LGR6: variants seen among roughly 807,000 people sequenced by gnomAD.
LGR6 encodes the protein leucine-rich repeat-containing G protein-coupled receptor 6.
Under a neutral mutation model 69.4 loss-of-function variants are expected in LGR6, and 45 were observed. The observed-to-expected ratio is 0.65, with a 90% CI of 0.51 to 0.83. The LOEUF (loss-of-function observed/expected upper bound fraction) is 0.83. Ranked by LOEUF, LGR6 falls within the 40% of genes least tolerant of loss-of-function variation. The pLI, the probability that LGR6 is intolerant of heterozygous loss-of-function variation, is 0.00. For missense variants in LGR6, 1,108 were observed against 1,246.7 expected, an observed-to-expected ratio of 0.89 and a Z score of 1.68; for synonymous variants, 538 against 555.0, an observed-to-expected ratio of 0.97 and a Z score of 0.43.
At chr1:202,260,088 G>T (rs904815827) in intron 4 of LGR6, among the ~76,000 whole-genome samples, 2 of 152,140 alleles carry the variant, frequency 1.3e-5, no homozygotes, top group African/African-American at 4.8e-5. Flanking sequence ...TCACTCTGTC[G>T]TCCCGGCTGG....
intron 4 of LGR6, among the ~76,000 whole-genome samples, chr1:202,275,268 A>G (rs1338191342): frequency 2.6e-5 from 4 of 152,182 alleles, no homozygotes; most frequent in African/African-American, 7.2e-5. Context: ...AAGTCCAGCA[A>G]TAGATCCATG....
At position 202,318,852 on chromosome 1, in the gene LGR6, C is replaced by A; in HGVS notation, c.2549C>A (p.Pro850His). ...RLRPRAGDSG[P>H]LAYAAAGELE... ...CGGCCCCGCGCAGGGGACTCAGGGC[C>A]CCTAGCCTATGCTGCGGCCGGGGAG... is the stretch of plus-strand genomic sequence containing the variant. Residue 850 changes from proline (P) to histidine (H), a missense_variant, in exon 18 of 18, where the codon CCC (proline) becomes CAC (histidine). Coordinates refer to ENST00000367278, the MANE Select transcript of LGR6 (RefSeq NM_001017403.2). 1 of 1,613,630 alleles carries A rather than the reference C, an allele frequency of 6.2e-7. No individual in the cohort carries two copies. Among genetic ancestry groups the A allele is most frequent in the South Asian group, 1.1e-5 (1 of 91,008 alleles).
At chr1:202,272,537 T>C (rs1665191169) in intron 4 of LGR6, among the ~76,000 whole-genome samples, 1 of 152,162 alleles carries the variant, frequency 6.6e-6, no homozygotes, top group Admixed American at 6.5e-5. Flanking sequence ...GGACAGAAGA[T>C]AGTTTCTCTC....
intron 4 of LGR6, among the ~76,000 whole-genome samples, chr1:202,240,063 C>G (rs1226723365): frequency 6.6e-6 from 1 of 151,964 alleles, no homozygotes; most frequent in East Asian, 1.9e-4. Context: ...GAGTCTGGCA[C>G]GTGGTAAGAG....
chr1:202,303,163 G>A (rs1667730165), intron 9 of LGR6, 116 bp from the exon 10 acceptor site: 2 of 791,178 alleles, frequency 2.5e-6, no homozygotes, highest in South Asian at 2.9e-5. Flanking sequence ...TTGCAGGGAA[G>A]CATGACATTG....
chr1:202,306,838 C>A, intron 12 of LGR6, 30 bp from the exon 13 acceptor site: 1 of 1,601,238 alleles, frequency 6.2e-7, no homozygotes, highest in Non-Finnish European at 8.6e-7. Flanking sequence ...CTGAGCCTGC[C>A]GGCTCATCCA....
chr1:202,279,550 T>G (rs1009025577), intron 5 of LGR6, among the ~76,000 whole-genome samples: 1 of 152,250 alleles, frequency 6.6e-6, no homozygotes, highest in Admixed American at 6.5e-5. Context: ...ATAGTCAGCA[T>G]CTAATTATCC....
intron 1 of LGR6, among the ~76,000 whole-genome samples, chr1:202,208,381 G>GGGGA (rs1376106854): frequency 6.6e-6 from 1 of 151,600 alleles, no homozygotes; most frequent in Admixed American, 6.6e-5. Flanking sequence ...GATACAAAGA[G>GGGGA]GGGAGAGAGA....
At chr1:202,251,577 A>G (rs1663248673) in intron 4 of LGR6, among the ~76,000 whole-genome samples, 1 of 152,158 alleles carries the variant, frequency 6.6e-6, no homozygotes, top group African/African-American at 2.4e-5. Flanking sequence ...TTCCCCAGGC[A>G]GGACTCCCCC....
intron 1 of LGR6, among the ~76,000 whole-genome samples, chr1:202,222,464 C>T (rs774380672): frequency 5.9e-5 from 9 of 152,168 alleles, no homozygotes; most frequent in Non-Finnish European, 1.0e-4. Context: ...GCGGCCCGGC[C>T]CCTGGGGGGA....
chr1:202,254,811 A>G (rs758720897), intron 4 of LGR6, among the ~76,000 whole-genome samples: 8 of 150,988 alleles, frequency 5.3e-5, no homozygotes, highest in Non-Finnish European at 1.2e-4. Flanking sequence ...CTGTGATAGT[A>G]TTTTGGGAGG....
At chr1:202,271,381 AG>A (rs1215177627) in intron 4 of LGR6, among the ~76,000 whole-genome samples, 1 of 152,162 alleles carries the variant, frequency 6.6e-6, no homozygotes, top group Admixed American at 6.5e-5. Flanking sequence ...GGAATTCTCC[AG>A]AGAGCACCTT....
intron 3 of LGR6, among the ~76,000 whole-genome samples, chr1:202,231,699 C>G (rs73085682): frequency 0.016 from 2,434 of 152,314 alleles, 83 homozygotes; most frequent in African/African-American, 0.056. Context: ...GATCGGTGTT[C>G]ACACTCATAC....
chr1:202,304,570 G>T lies in LGR6; in HGVS notation c.1010G>T (p.Arg337Leu), dbSNP rs111928234. 1.2e-6 allele frequency: 2 copies of T among 1,609,056 alleles called. No homozygotes were observed. The stretch of plus-strand genomic sequence containing the variant: ...TGTTCTCCCTGCAGGACCCTGACCC[G>T]CGCAGGCATCCGGCTGCTCCCATCG... ...TTSLEILTLT[R>L]AGIRLLPSGM... The change falls in exon 11 of 18, where the codon CGC becomes CTC. Residue 337 changes from arginine (R) to leucine (L), a missense_variant. Coordinates refer to ENST00000367278, the MANE Select transcript of LGR6 (RefSeq NM_001017403.2).
In LGR6 at chr1:202,239,503, C is replaced by T. The variant is rs371151590; in HGVS notation, c.428+3510C>T. On this transcript the variant is annotated intron_variant, in intron 4 of 17. Coordinates refer to ENST00000367278, the MANE Select transcript of LGR6 (RefSeq NM_001017403.2). ...GATTTGGACTTTATTCTTAAGACAG[C>T]GGGGAGCCACGGGAGGGCTTTTAGC... 3.8e-3 allele frequency among the ~76,000 whole-genome samples: 583 copies of T among 151,812 alleles called. 4 individuals carry two copies. The highest frequency in any genetic ancestry group is 0.014 in the African/African-American group (560 of 41,360).
At chr1:202,305,930 T>C (rs1293920715) in intron 12 of LGR6, among the ~76,000 whole-genome samples, 181 bp downstream of exon 12, 1 of 152,166 alleles carries the variant, frequency 6.6e-6, no homozygotes, top group Non-Finnish European at 1.5e-5. Context: ...GCCTGCACAA[T>C]GGCCCTAGGA....
chr1:202,307,070 C>A (rs1653292692), intron 13 of LGR6, 131 bp downstream of exon 13: 1 of 803,536 alleles, frequency 1.2e-6, no homozygotes, highest in Non-Finnish European at 2.1e-6. Flanking sequence ...GCTCCACAGC[C>A]CCCACCCCCA....
Position 202,268,403 on chromosome 1 carries a change from C to T in LGR6, c.429-7903C>T, listed in dbSNP as rs942905041. On this transcript the variant is annotated intron_variant, in intron 4 of 17. Coordinates refer to ENST00000367278, the MANE Select transcript of LGR6 (RefSeq NM_001017403.2). The surrounding 1 kb of genome is among the most constrained non-coding windows in gnomAD (Gnocchi z 4.4). Reference sequence around the variant, plus strand: ...GCCGTTGGTCCCTCCAGGCAATCAACGGCTCCCACGTGGAATATTTTCCCC... The same window carrying T: ...GCCGTTGGTCCCTCCAGGCAATCAATGGCTCCCACGTGGAATATTTTCCCC... Among the ~76,000 whole-genome samples the T allele has an allele frequency of 1.3e-5, 2 of 152,128 alleles. No homozygotes were observed. The highest frequency in any genetic ancestry group is 1.9e-4 in the East Asian group (1 of 5,188).
chr1:202,228,178 C>T (rs1363902861), intron 3 of LGR6, among the ~76,000 whole-genome samples, 171 bp downstream of exon 3: 1 of 152,196 alleles, frequency 6.6e-6, no homozygotes, highest in Non-Finnish European at 1.5e-5. Flanking sequence ...TTGTCTGTAA[C>T]AAACTTTATG....
Sources: allele counts gnomAD v4.1 joint callset (sites outside exome capture counted in the v4.1 genomes callset), GRCh38; gene constraint gnomAD v4.1.1; non-coding constraint Gnocchi (gnomAD v3.1); transcripts MANE v1.5; gene names NCBI Gene and HGNC (gene_info 2026-07-23, HGNC 2026-07-21).